NOS1AP: variants seen among roughly 807,000 people sequenced by gnomAD.
NOS1AP encodes the protein carboxyl-terminal PDZ ligand of neuronal nitric oxide synthase protein.
NOS1AP carries 21 observed loss-of-function variants against 56.2 expected under a neutral mutation model. The ratio of observed to expected loss-of-function variants is 0.37; its 90% confidence interval spans 0.26 to 0.54. The LOEUF (loss-of-function observed/expected upper bound fraction) is 0.54, where lower values mean the gene tolerates loss of function less well. Among genes scored for constraint, NOS1AP ranks in the 20% least tolerant of loss-of-function variants. The pLI, the probability that NOS1AP is intolerant of heterozygous loss-of-function variation, is 0.84. For synonymous variants in NOS1AP, 270 were observed against 274.6 expected (o/e 0.98, Z 0.17); for missense variants, 522 against 657.8 (o/e 0.79, Z 2.26).
chr1:162,353,963 A>G (rs1322590992), intron 6 of NOS1AP, among the ~76,000 whole-genome samples: 1 of 152,180 alleles, frequency 6.6e-6, no homozygotes, highest in Non-Finnish European at 1.5e-5. Flanking sequence ...AGTCAGAACC[A>G]TCTTTTCTGT....
At chr1:162,098,495 G>A (rs890271929) in intron 1 of NOS1AP, among the ~76,000 whole-genome samples, 3 of 148,082 alleles carry the variant, frequency 2.0e-5, no homozygotes, top group East Asian at 2.0e-4. Context: ...TAACGGTGTC[G>A]TTTTTTTTTT....
rs1657661348 is a variant in NOS1AP, at chr1:162,355,194, G to A, written c.603G>A (p.Gln201=). The change falls in exon 7 of 10, where the codon CAG becomes CAA. Residue 201 remains glutamine, a synonymous_variant. Coordinates refer to ENST00000361897, the MANE Select transcript of NOS1AP (RefSeq NM_014697.3). ...NSNSSGDPGR[Q]LTGAERASTA... is the part of the protein sequence containing the mutation. ...CCCCTGTTGTTCCTGCAGGCCGCCAGCTCACTGGAGCCGAGAGGGCCTCCA... is the reference window on the plus strand; with the variant it reads ...CCCCTGTTGTTCCTGCAGGCCGCCAACTCACTGGAGCCGAGAGGGCCTCCA... 4 of 1,614,024 alleles carry A rather than the reference G, an allele frequency of 2.5e-6. No homozygotes were observed. Among genetic ancestry groups the A allele is most frequent in the Non-Finnish European group, 3.4e-6 (4 of 1,180,034 alleles).
At chr1:162,208,080 C>G (rs2101643651) in intron 2 of NOS1AP, among the ~76,000 whole-genome samples, 1 of 152,232 alleles carries the variant, frequency 6.6e-6, no homozygotes, top group African/African-American at 2.4e-5. Context: ...GCGGGAGGAC[C>G]AGCAGTGAGC....
At chr1:162,355,088 C>A in intron 6 of NOS1AP, 99 bp from the exon 7 acceptor site, 1 of 1,366,258 alleles carries the variant, frequency 7.3e-7, no homozygotes, top group East Asian at 2.3e-5. Flanking sequence ...CCAGTGGCAT[C>A]CCTAGGCTCA....
Position 162,201,079 on chromosome 1 carries a change from C to A in NOS1AP, c.177+46603C>A, listed in dbSNP as rs938645562. Among the ~76,000 whole-genome samples the A allele has an allele frequency of 5.2e-4, 79 of 152,276 alleles. 1 individual carries two copies. The highest frequency in any genetic ancestry group is 4.1e-3 in the Admixed American group (62 of 15,298). On this transcript the variant is annotated intron_variant, in intron 2 of 9. Transcript: ENST00000361897. ...CTCCCACTCTCTGCCCTCTGATAAACCCCAGTTTGTTTTGTTCCTTTCTAT... is the reference window on the plus strand; with the variant it reads ...CTCCCACTCTCTGCCCTCTGATAAAACCCAGTTTGTTTTGTTCCTTTCTAT...
intron 2 of NOS1AP, among the ~76,000 whole-genome samples, chr1:162,240,921 T>C (rs1374390423): frequency 1.3e-5 from 2 of 152,060 alleles, no homozygotes; most frequent in Non-Finnish European, 2.9e-5. Context: ...ATGCCATGAG[T>C]GCACACTGGA....
chr1:162,305,169 T>G (rs944342414), intron 4 of NOS1AP, among the ~76,000 whole-genome samples: 31 of 152,198 alleles, frequency 2.0e-4, no homozygotes, highest in African/African-American at 7.0e-4. Flanking sequence ...ATTTTAACCA[T>G]TTTTTAAGCA....
At chr1:162,127,425 G>A (rs560043623) in intron 1 of NOS1AP, among the ~76,000 whole-genome samples, 1 of 151,632 alleles carries the variant, frequency 6.6e-6, no homozygotes, top group East Asian at 1.9e-4. Context: ...AAATTGTAGG[G>A]ATTATTCATA....
intron 1 of NOS1AP, among the ~76,000 whole-genome samples, chr1:162,070,524 G>A (rs1691638996): frequency 6.6e-6 from 1 of 152,174 alleles, no homozygotes; most frequent in South Asian, 2.1e-4. Flanking sequence ...CCCACCTGCA[G>A]ACTCCCCCAT....
At chr1:162,292,097 A>G (rs189262658) in intron 3 of NOS1AP, among the ~76,000 whole-genome samples, 10 of 152,350 alleles carry the variant, frequency 6.6e-5, no homozygotes, top group Admixed American at 5.9e-4. Flanking sequence ...ATTAACAAAT[A>G]TTCATTGTGT....
intron 2 of NOS1AP, among the ~76,000 whole-genome samples, chr1:162,195,881 G>T (rs951491360): frequency 2.8e-4 from 43 of 152,210 alleles, no homozygotes; most frequent in African/African-American, 9.2e-4. Flanking sequence ...CTTCTGGAGA[G>T]AAGTCATAAT....
intron 3 of NOS1AP, among the ~76,000 whole-genome samples, chr1:162,294,828 A>G (rs1313346561): frequency 6.6e-6 from 1 of 152,220 alleles, no homozygotes; most frequent in Non-Finnish European, 1.5e-5. Context: ...AATGCTAGAC[A>G]GTTGCCCCTA....
At chr1:162,263,469 T>C (rs928056512) in intron 2 of NOS1AP, among the ~76,000 whole-genome samples, 9 of 152,192 alleles carry the variant, frequency 5.9e-5, no homozygotes, top group Admixed American at 1.3e-4. Context: ...CACTGTTGCA[T>C]TGGGGATTAA....
intron 2 of NOS1AP, among the ~76,000 whole-genome samples, chr1:162,241,041 G>A (rs1244427953): frequency 2.0e-5 from 3 of 152,194 alleles, no homozygotes; most frequent in Admixed American, 2.0e-4. Context: ...GACATGTACT[G>A]GCTAGAGGCA....
chr1:162,117,667 G>T (rs916640093), intron 1 of NOS1AP, among the ~76,000 whole-genome samples: 1 of 152,106 alleles, frequency 6.6e-6, no homozygotes, highest in South Asian at 2.1e-4. Flanking sequence ...AAATAAAAAG[G>T]GGGGCTGGTG....
chr1:162,115,250 A>G (rs984228766), intron 1 of NOS1AP, among the ~76,000 whole-genome samples: 4 of 152,214 alleles, frequency 2.6e-5, no homozygotes, highest in Non-Finnish European at 4.4e-5. Flanking sequence ...TAAACAAGCT[A>G]ATTTCAGATA....
intron 2 of NOS1AP, among the ~76,000 whole-genome samples, chr1:162,255,979 AC>A (rs1024243527): frequency 7.2e-5 from 11 of 152,136 alleles, no homozygotes; most frequent in African/African-American, 2.2e-4. Context: ...CCCCATCTCT[AC>A]TAAAAATAGA....
At chr1:162,289,752 G>T (rs556046309) in intron 3 of NOS1AP, among the ~76,000 whole-genome samples, 1 of 152,162 alleles carries the variant, frequency 6.6e-6, no homozygotes, top group East Asian at 1.9e-4. Context: ...TAGGATTACA[G>T]GCATGAGCCA....
intron 2 of NOS1AP, among the ~76,000 whole-genome samples, chr1:162,283,719 C>A (rs1342703653): frequency 6.6e-6 from 1 of 152,232 alleles, no homozygotes; most frequent in Non-Finnish European, 1.5e-5. Context: ...CAGACACTTT[C>A]CCCTGGCCTT....
Sources: allele counts gnomAD v4.1 joint callset (sites outside exome capture counted in the v4.1 genomes callset), GRCh38; gene constraint gnomAD v4.1.1; transcripts MANE v1.5; gene names NCBI Gene and HGNC (gene_info 2026-07-23, HGNC 2026-07-21).